Variants in MARCO observed in about 807,000 individuals in gnomAD.
MARCO encodes the protein macrophage receptor with collagenous structure.
A neutral mutation model predicts 70.0 loss-of-function variants in MARCO; 72 were observed. That is an observed-to-expected ratio of 1.03 (90% CI 0.85 to 1.25). MARCO has a LOEUF of 1.25. MARCO is among the 50% of genes most tolerant of loss of function. The pLI is 0.00. For synonymous variants in MARCO, 273 were observed against 243.1 expected, an observed-to-expected ratio of 1.12 and a Z score of -1.14; for missense variants, 696 against 659.3, an observed-to-expected ratio of 1.06 and a Z score of -0.61.
chr2:118,951,393 G>A (rs977297594), intron 1 of MARCO, among the ~76,000 whole-genome samples: 1 of 152,234 alleles, frequency 6.6e-6, no homozygotes, highest in Non-Finnish European at 1.5e-5. Context: ...ATACCTTAAG[G>A]TTCTTGAGTC....
intron 1 of MARCO, chr2:118,949,532 A>G (rs1242249773): frequency 6.6e-6 from 1 of 152,164 alleles, no homozygotes; most frequent in Non-Finnish European, 1.5e-5. Context: ...AGCCTATAGG[A>G]TCCTTTCCAG....
At chr2:118,955,616 C>T (rs546286459) in intron 1 of MARCO, among the ~76,000 whole-genome samples, 22 of 152,100 alleles carry the variant, frequency 1.4e-4, no homozygotes, top group Non-Finnish European at 2.1e-4. Context: ...CTGGGAAATT[C>T]GTTGCAAAAA....
intron 13 of MARCO, 55 bp downstream of exon 13, chr2:118,990,688 T>G (rs1680605387): frequency 6.5e-7 from 1 of 1,533,798 alleles, no homozygotes; most frequent in East Asian, 2.3e-5. Flanking sequence ...AAGGCCTGCC[T>G]TCTCAGAGGG....
intron 1 of MARCO, among the ~76,000 whole-genome samples, chr2:118,944,029 G>T (rs552477067): frequency 6.6e-6 from 1 of 152,122 alleles, no homozygotes. Flanking sequence ...GAGAAACACC[G>T]GAAATCAGAT....
At chr2:118,989,918 A>G (rs2104610701) in intron 12 of MARCO, among the ~76,000 whole-genome samples, 1 of 152,326 alleles carries the variant, frequency 6.6e-6, no homozygotes, top group Non-Finnish European at 1.5e-5. Context: ...TATCTCAGTG[A>G]CCCAGCAGGA....
At position 118,977,527 on chromosome 2, in the gene MARCO, T is replaced by A; in HGVS notation, c.658+12T>A. Reference sequence around the variant, plus strand: ...GCAAGGAGCCACTGGTAACTTGTACTTGCTCTGCTAGGGACAAATGATGCA... The same window carrying A: ...GCAAGGAGCCACTGGTAACTTGTACATGCTCTGCTAGGGACAAATGATGCA... On this transcript the variant is annotated intron_variant, in intron 7 of 16. Coordinates refer to ENST00000327097, the MANE Select transcript of MARCO (RefSeq NM_006770.4). The A allele has an allele frequency of 4.3e-6, 7 of 1,613,422 alleles. No individual in the cohort carries two copies. In the South Asian group the frequency reaches 7.7e-5, roughly 18 times the overall value.
intron 1 of MARCO, among the ~76,000 whole-genome samples, chr2:118,947,683 C>T (rs1486247162): frequency 6.6e-6 from 1 of 152,130 alleles, no homozygotes; most frequent in East Asian, 1.9e-4. Context: ...TTATTCTATT[C>T]CAGTGATCTA....
At chr2:118,989,740 G>C (rs1233128846) in intron 12 of MARCO, among the ~76,000 whole-genome samples, 1 of 152,204 alleles carries the variant, frequency 6.6e-6, no homozygotes, top group Non-Finnish European at 1.5e-5. Context: ...ATGACTCACT[G>C]TTGGTGTTCC....
chr2:118,992,434 T>A lies in MARCO; in HGVS notation c.1210T>A (p.Ser404Thr). 1 of 1,613,774 alleles carries A rather than the reference T, an allele frequency of 6.2e-7. No homozygotes were observed. The highest frequency in any genetic ancestry group is 8.5e-7 in the Non-Finnish European group (1 of 1,179,710). Residue 404 changes from serine to threonine, a missense_variant and splice_region_variant, in exon 15 of 17, where the codon TCT (serine) becomes ACT (threonine). Around this residue, in one of 3 missense-constraint regions of MARCO, gnomAD observed 605 missense variants for 537.6 expected, o/e 1.13. Coordinates refer to ENST00000327097, the MANE Select transcript of MARCO (RefSeq NM_006770.4). ...TGTGGGTTTTCTCCTCATGACAGGA[T>A]CTTCTGGGGAGCAAGGAGTAAAGGG... Reference protein sequence around the residue: ...GQKGDQGVKGSSGEQGVKGEK... With the variant: ...GQKGDQGVKGTSGEQGVKGEK...
At chr2:118,950,215 G>A (rs928915555) in intron 1 of MARCO, among the ~76,000 whole-genome samples, 1 of 152,074 alleles carries the variant, frequency 6.6e-6, no homozygotes, top group African/African-American at 2.4e-5. Context: ...AAACCTTGTT[G>A]ACATATGTAT....
intron 12 of MARCO, 73 bp from the exon 13 acceptor site, chr2:118,990,516 G>T (rs1680600084): frequency 6.9e-7 from 1 of 1,449,616 alleles, no homozygotes; most frequent in Non-Finnish European, 9.7e-7. Flanking sequence ...GGTAGAGGTT[G>T]TCTAAGATTA....
At chr2:118,975,636 A>G (rs1386371208) in intron 6 of MARCO, among the ~76,000 whole-genome samples, 1 of 152,190 alleles carries the variant, frequency 6.6e-6, no homozygotes, top group African/African-American at 2.4e-5. Context: ...CATTCACACC[A>G]CACACACTCA....
chr2:118,979,022 T>C (rs1361858229), intron 8 of MARCO, among the ~76,000 whole-genome samples: 2 of 152,156 alleles, frequency 1.3e-5, no homozygotes, highest in Non-Finnish European at 2.9e-5. Flanking sequence ...GAGCTAATAA[T>C]AATACAAACC....
At chr2:118,975,165 G>C (rs994657796) in intron 6 of MARCO, among the ~76,000 whole-genome samples, 1 of 152,124 alleles carries the variant, frequency 6.6e-6, no homozygotes, top group African/African-American at 2.4e-5. Flanking sequence ...ACGGGGCCCG[G>C]TCAGAGAATG....
intron 1 of MARCO, among the ~76,000 whole-genome samples, chr2:118,953,179 C>A (rs1006800309): frequency 6.6e-6 from 1 of 152,146 alleles, no homozygotes. Context: ...TTTAAGGAAA[C>A]AATAACATTT....
At chr2:118,988,028 T>G (rs1296940962) in intron 12 of MARCO, among the ~76,000 whole-genome samples, 3 of 152,218 alleles carry the variant, frequency 2.0e-5, no homozygotes, top group Non-Finnish European at 2.9e-5. Flanking sequence ...TTATGTGACC[T>G]TGAATTACTC....
rs76097434 is a variant in MARCO at position 118,982,743 on chromosome 2, T to C, written c.1063+333T>C. On this transcript the variant is annotated intron_variant, in intron 12 of 16. Transcript: ENST00000327097. ...TCTGCTGTCTCCTGCTAACCCTTCA[T>C]TGGGGCCCCTAAGAGGGGGTCCAAG... Among the ~76,000 whole-genome samples, 758 of 152,280 alleles carry C rather than the reference T, an allele frequency of 5.0e-3. 3 individuals are homozygous for C. The highest frequency in any genetic ancestry group is 6.2e-3 in the Non-Finnish European group (419 of 68,018).
At chr2:118,967,857 TC>T (rs1680085026) in intron 1 of MARCO, among the ~76,000 whole-genome samples, 1 of 152,168 alleles carries the variant, frequency 6.6e-6, no homozygotes, top group Non-Finnish European at 1.5e-5. Context: ...TCCCTTGGGC[TC>T]CTTCATTATT....
At chr2:118,977,972 A>T (rs1277654952) in intron 8 of MARCO, 37 bp downstream of exon 8, 10 of 1,442,880 alleles carry the variant, frequency 6.9e-6, no homozygotes, top group Non-Finnish European at 9.6e-6. Flanking sequence ...GCTTGCCAGG[A>T]GGCCTGAGGG....
Sources: gnomAD v4.1 joint callset for allele counts (sites outside exome capture counted in the v4.1 genomes callset) on GRCh38, gnomAD v4.1.1 for gene constraint, gnomAD v4.1.1 regional missense constraint, MANE v1.5 for transcripts, NCBI Gene and HGNC (gene_info 2026-07-23, HGNC 2026-07-21) for gene names.